The following PPP3CC variants were observed in gnomAD, a reference collection of about 807,000 sequenced individuals.
PPP3CC encodes the protein protein phosphatase 3 catalytic subunit gamma.
Under a neutral mutation model 60.3 loss-of-function variants are expected in PPP3CC, and 35 were observed. That is an observed-to-expected ratio of 0.58 (90% confidence interval 0.44 to 0.77). The LOEUF is 0.77. Among genes scored for constraint, PPP3CC ranks in the 30% least tolerant of loss-of-function variants. PPP3CC has a pLI of 0.00. For missense variants in PPP3CC, 570 were observed against 628.9 expected (o/e 0.91, Z 1.00); for synonymous variants, 206 against 224.3 (o/e 0.92, Z 0.73).
chr8:22,475,225 T>A (rs1391566332), intron 2 of PPP3CC, 74 bp downstream of exon 2: 5 of 1,378,766 alleles, frequency 3.6e-6, no homozygotes, highest in African/African-American at 1.5e-5. Flanking sequence ...TAATTACAAA[T>A]AACCAGCTAA....
rs554158320 is a variant in PPP3CC, at chr8:22,484,046, T to C, written c.372+8422T>C. Among the ~76,000 whole-genome samples, 4 of 151,948 alleles carry C rather than the reference T, an allele frequency of 2.6e-5. No homozygotes were observed. In the East Asian group the frequency reaches 7.8e-4, roughly 29 times the overall value. ...TAATTTTTTTAGAGTTGGGTCTCAC[T>C]GTGTTGTTCAGGCTGGCCTTGAACT... On this transcript the variant is annotated intron_variant, in intron 3 of 13. Coordinates refer to ENST00000240139, the MANE Select transcript of PPP3CC (RefSeq NM_005605.5).
intron 6 of PPP3CC, among the ~76,000 whole-genome samples, chr8:22,518,690 T>C (rs979809597): frequency 6.6e-6 from 1 of 152,084 alleles, no homozygotes; most frequent in African/African-American, 2.4e-5. Context: ...TACTTGCTAT[T>C]ATTATTATTA....
At chr8:22,520,909 A>G (rs1016326114) in intron 6 of PPP3CC, among the ~76,000 whole-genome samples, 1 of 152,186 alleles carries the variant, frequency 6.6e-6, no homozygotes, top group African/African-American at 2.4e-5. Context: ...ATGCATTTGA[A>G]GGAGCAGGGG....
chr8:22,533,315 A>G (rs1839767554), intron 12 of PPP3CC, among the ~76,000 whole-genome samples: 2 of 152,260 alleles, frequency 1.3e-5, no homozygotes, highest in Non-Finnish European at 1.5e-5. Context: ...TTAAAAAGCC[A>G]GTTGAATTTC....
In PPP3CC at chr8:22,475,562, C is replaced by T. The variant is rs2132468733; in HGVS notation, c.310C>T (p.Pro104Ser). Reference protein sequence around the residue: ...LMKLFEVGGSPSNTRYLFLGD... With the variant: ...LMKLFEVGGSSSNTRYLFLGD... ...GAAGTTATTTGAAGTTGGAGGATCA[C>T]CTAGTAACACACGCTACCTCTTTCT... The change falls in exon 3 of 14, where the codon CCT (proline) becomes TCT (serine). Residue 104 changes from proline (P) to serine (S), a missense_variant. Physicochemically the swap from Pro to Ser is moderately conservative, Grantham distance 74 (BLOSUM62 -1). Transcript: ENST00000240139. 6.2e-7 allele frequency: 1 copy of T among 1,612,272 alleles called. No individual in the cohort carries two copies. The highest frequency in any genetic ancestry group is 8.5e-7 in the Non-Finnish European group (1 of 1,178,458).
intron 1 of PPP3CC, among the ~76,000 whole-genome samples, chr8:22,447,673 A>G (rs1310388730): frequency 1.3e-5 from 2 of 152,182 alleles, no homozygotes; most frequent in Non-Finnish European, 2.9e-5. Flanking sequence ...ACTGAGGCCT[A>G]AAACTTTCAA....
At chr8:22,467,200 AATTT>A (rs1837565875) in intron 1 of PPP3CC, among the ~76,000 whole-genome samples, 1 of 152,208 alleles carries the variant, frequency 6.6e-6, no homozygotes, top group Non-Finnish European at 1.5e-5. Flanking sequence ...AATAAAAAAA[AATTT>A]ATGGTATTTT....
intron 4 of PPP3CC, among the ~76,000 whole-genome samples, chr8:22,502,076 C>T (rs958432932): frequency 2.6e-5 from 4 of 152,154 alleles, no homozygotes; most frequent in Admixed American, 2.6e-4. Flanking sequence ...AGATCAGGCC[C>T]TCCCAAGATA....
intron 1 of PPP3CC, among the ~76,000 whole-genome samples, chr8:22,464,760 T>C (rs771877688): frequency 1.3e-4 from 20 of 152,110 alleles, no homozygotes; most frequent in Admixed American, 2.6e-4. Context: ...ATAGTTGTAG[T>C]CTTTACTTAA....
At position 22,513,316 on chromosome 8, in the gene PPP3CC, C is replaced by G. The variant is rs771141270; in HGVS notation, c.654C>G (p.Pro218=). 3.1e-6 allele frequency: 5 copies of G among 1,612,278 alleles called. 1 individual carries two copies. In the African/African-American group the frequency reaches 5.4e-5, roughly 17 times the overall value. ...AGTTAGACAGGTTTACGGAACCTCC[C>G]GCCTTTGGACCTGTGTGTGACCTGC... is the stretch of plus-strand genomic sequence containing the variant. ...IRKLDRFTEP[P]AFGPVCDLLW... The change falls in exon 6 of 14, where the codon CCC becomes CCG. Residue 218 remains proline (P), a synonymous_variant. Coordinates refer to ENST00000240139, the MANE Select transcript of PPP3CC (RefSeq NM_005605.5).
intron 1 of PPP3CC, among the ~76,000 whole-genome samples, chr8:22,464,115 A>T (rs1837445808): frequency 6.6e-6 from 1 of 152,178 alleles, no homozygotes; most frequent in African/African-American, 2.4e-5. Context: ...ATTTTATTAT[A>T]CATGATTAAA....
chr8:22,540,520 C>T (rs1839935410), intron 13 of PPP3CC, 95 bp from the exon 14 acceptor site: 3 of 1,238,458 alleles, frequency 2.4e-6, no homozygotes, highest in Non-Finnish European at 3.4e-6. Flanking sequence ...CTGTGTGTTT[C>T]TCTAGGAGGT....
intron 1 of PPP3CC, among the ~76,000 whole-genome samples, chr8:22,455,885 A>C (rs1424277330): frequency 6.6e-6 from 1 of 152,210 alleles, no homozygotes; most frequent in African/African-American, 2.4e-5. Flanking sequence ...GTGACTATCA[A>C]AGACCAGAGG....
In PPP3CC at chr8:22,475,138, T is replaced by C. The variant is rs1837848488; in HGVS notation, c.234T>C (p.Asp78=). 3.7e-6 allele frequency: 6 copies of C among 1,610,988 alleles called. No homozygotes were observed. The Admixed American group carries it at 5.0e-5, about 13-fold the overall frequency. The change falls in exon 2 of 14, where the codon GAT becomes GAC. Residue 78 remains aspartate, a synonymous_variant. Coordinates refer to ENST00000240139, the MANE Select transcript of PPP3CC (RefSeq NM_005605.5). ...LRQEKTMIEV[D]APITVCGDIH... ...AAGAGAAGACTATGATAGAAGTAGATGCTCCAATCACAGGTATAAAAAGTC... is the reference window on the plus strand; with the variant it reads ...AAGAGAAGACTATGATAGAAGTAGACGCTCCAATCACAGGTATAAAAAGTC...
intron 3 of PPP3CC, among the ~76,000 whole-genome samples, chr8:22,478,596 A>T (rs751774378): frequency 2.6e-5 from 4 of 152,210 alleles, no homozygotes; most frequent in Non-Finnish European, 5.9e-5. Context: ...GTGCACAGAC[A>T]TCATGTTCAG....
At chr8:22,481,698 C>G (rs1384242913) in intron 3 of PPP3CC, among the ~76,000 whole-genome samples, 1 of 152,024 alleles carries the variant, frequency 6.6e-6, no homozygotes, top group Non-Finnish European at 1.5e-5. Context: ...CCCCTAGCCC[C>G]CCACCTACCA....
At chr8:22,499,635 A>G (rs970258367) in intron 4 of PPP3CC, among the ~76,000 whole-genome samples, 1 of 152,230 alleles carries the variant, frequency 6.6e-6, no homozygotes, top group African/African-American at 2.4e-5. Flanking sequence ...TCTAGTACTC[A>G]TAATTGGCTG....
intron 1 of PPP3CC, among the ~76,000 whole-genome samples, chr8:22,442,327 T>G (rs1563657401): frequency 6.6e-6 from 1 of 152,338 alleles, no homozygotes; most frequent in Non-Finnish European, 1.5e-5. Flanking sequence ...CCAGCTGTGT[T>G]AGTGGCCTCT....
chr8:22,448,578 C>T (rs10108972), intron 1 of PPP3CC, among the ~76,000 whole-genome samples: 1 of 151,696 alleles, frequency 6.6e-6, no homozygotes, highest in East Asian at 1.9e-4. Context: ...GAGGTTTCTC[C>T]GTATTGGTCA....
Sources: allele counts gnomAD v4.1 joint callset (sites outside exome capture counted in the v4.1 genomes callset), GRCh38; gene constraint gnomAD v4.1.1; transcripts MANE v1.5; gene names NCBI Gene and HGNC (gene_info 2026-07-23, HGNC 2026-07-21).